SLC35E4: variants seen among roughly 807,000 people sequenced by gnomAD.
The protein encoded by SLC35E4 is solute carrier family 35, member E4.
Under a neutral mutation model 19.3 loss-of-function variants are expected in SLC35E4, and 15 were observed. The observed-to-expected ratio is 0.78, with a 90% CI of 0.52 to 1.20. The LOEUF is 1.20. Ranked by LOEUF, SLC35E4 falls within the 50% of genes most tolerant of loss-of-function variation. SLC35E4 has a pLI of 0.00. For missense variants in SLC35E4, 406 were observed against 472.3 expected, an observed-to-expected ratio of 0.86 and a Z score of 1.30; for synonymous variants, 219 against 219.9, an observed-to-expected ratio of 1.00 and a Z score of 0.04.
rs908310465 is a variant in SLC35E4 at position 30,646,827 on chromosome 22, C to T, written c.849C>T (p.Thr283=). The T allele has an allele frequency of 6.8e-6, 11 of 1,614,246 alleles. No individual in the cohort carries two copies. The highest frequency in any genetic ancestry group is 6.8e-6 in the Non-Finnish European group (8 of 1,180,044). ...FSLLALTSAL[T]VHVLGNLTVV... ...TGCTGGCCCTCACCTCTGCCCTCAC[C>T]GTCCACGTCCTGGGCAACCTCACCG... is the stretch of plus-strand genomic sequence containing the variant. Residue 283 remains threonine, a synonymous_variant, in exon 2 of 2, where the codon ACC becomes ACT. Transcript: ENST00000343605.
chr22:30,665,396 C>T (rs139730114), downstream of SLC35E4: 2,333 of 373,352 alleles, frequency 6.2e-3, 15 homozygotes, highest in Non-Finnish European at 7.9e-3. Context: ...TCAGGTGAAC[C>T]GAGCCACTTA....
chr22:30,653,008 C>T (rs7286054), intron 2 of SLC35E4, among the ~76,000 whole-genome samples: 25,128 of 152,090 alleles, frequency 0.17, 2,132 homozygotes, highest in East Asian at 0.23. Flanking sequence ...AACCTGGAGC[C>T]CTATGAGGAA....
At chr22:30,655,429 C>CAAAAAAAAAAAAA (rs5844917) in intron 2 of SLC35E4, among the ~76,000 whole-genome samples, 5 of 111,656 alleles carry the variant, frequency 4.5e-5, no homozygotes, top group African/African-American at 1.1e-4. Context: ...GAGATCCTAC[C>CAAAAAAAAAAAAA]AAAAAAAAAA....
chr22:30,644,411 G>T (rs2088095214), intron 1 of SLC35E4, among the ~76,000 whole-genome samples: 1 of 152,120 alleles, frequency 6.6e-6, no homozygotes, highest in Admixed American at 6.6e-5. Flanking sequence ...CCACTAACTT[G>T]GCAAAGGCCC....
intron 2 of SLC35E4, among the ~76,000 whole-genome samples, chr22:30,655,516 T>C (rs1478130437): frequency 6.6e-6 from 1 of 152,082 alleles, no homozygotes; most frequent in Non-Finnish European, 1.5e-5. Context: ...CCTTTTTTTT[T>C]TTCTTCCAGG....
chr22:30,663,373 T>C, downstream of SLC35E4: 1 of 1,479,712 alleles, frequency 6.8e-7, no homozygotes, highest in Non-Finnish European at 9.1e-7. Context: ...CAAGTTTGGA[T>C]CTTGGTGTAA....
chr22:30,650,352 C>T (rs891887481), downstream of SLC35E4, among the ~76,000 whole-genome samples: 12 of 150,758 alleles, frequency 8.0e-5, no homozygotes, highest in South Asian at 4.2e-4. Flanking sequence ...AAAAATTAGA[C>T]GGACATGGTG....
At chr22:30,653,205 A>G (rs960883981) in intron 2 of SLC35E4, among the ~76,000 whole-genome samples, 4 of 152,106 alleles carry the variant, frequency 2.6e-5, no homozygotes, top group African/African-American at 9.6e-5. Flanking sequence ...CTGGCCTGGT[A>G]TTTGAAGCCC....
At chr22:30,639,753 CTT>C (rs2088008365) in intron 1 of SLC35E4, among the ~76,000 whole-genome samples, 2 of 152,228 alleles carry the variant, frequency 1.3e-5, no homozygotes, top group African/African-American at 2.4e-5. Context: ...GATTATCTCT[CTT>C]GTTCCCTGAA....
chr22:30,648,903 G>T (rs1196189491), downstream of SLC35E4, among the ~76,000 whole-genome samples: 1 of 152,114 alleles, frequency 6.6e-6, no homozygotes, highest in African/African-American at 2.4e-5. Flanking sequence ...GGCTTGCAGG[G>T]GTATAGGGGA....
chr22:30,651,397 G>A (rs201662239), downstream of SLC35E4, among the ~76,000 whole-genome samples: 777 of 52,318 alleles, frequency 0.015, no homozygotes, highest in African/African-American at 0.042. Flanking sequence ...GTGTGTGTGT[G>A]TGTATATATA....
At chr22:30,655,084 C>T (rs1265945056) in intron 2 of SLC35E4, among the ~76,000 whole-genome samples, 2 of 152,106 alleles carry the variant, frequency 1.3e-5, no homozygotes, top group African/African-American at 4.8e-5. Flanking sequence ...CCCTACACTG[C>T]TATGAAGAAC....
downstream of SLC35E4, among the ~76,000 whole-genome samples, chr22:30,651,010 T>C (rs2088199639): frequency 6.7e-6 from 1 of 148,960 alleles, no homozygotes; most frequent in Admixed American, 6.8e-5. Context: ...CAAACAAGGA[T>C]TGTGAGTCCT....
At position 30,654,939 on chromosome 22, in the gene SLC35E4, C is replaced by G. The variant is rs987592753; in HGVS notation, c.*8+5686C>G. The G allele has an allele frequency of 1.8e-5, 3 of 166,662 alleles. No homozygotes were observed. In the Admixed American group the frequency reaches 1.9e-4, roughly 10 times the overall value. 10.3% of individuals were successfully genotyped at this position (166,662 alleles called of 1,614,324 possible). A position where few individuals can be genotyped will look rare whatever the true frequency, so the allele number is the denominator to read the frequency against. ...GGAACCCTGTTTGAAAACCACAGAT[C>G]TAGTTCAATCCTCGTTGTCCATATG... is the stretch of plus-strand genomic sequence containing the variant. On this transcript the variant is annotated intron_variant, in intron 2 of 2. Transcript: ENST00000406566.
intron 2 of SLC35E4, chr22:30,654,472 G>A (rs183294311): frequency 3.0e-4 from 128 of 432,704 alleles, no homozygotes; most frequent in Non-Finnish European, 5.2e-4. Flanking sequence ...CTGCTTTTTC[G>A]TCATAGGGTG....
chr22:30,646,608 G>T lies in SLC35E4; in HGVS notation c.630G>T (p.Leu210=), dbSNP rs752044167. ...GLKSVQQSAL[L]QEERLDAVTL... ...GTTGTCCTGTTGCAGGTGCCCTGCT[G>T]CAGGAGGAGAGGCTGGACGCGGTGA... Residue 210 remains leucine (L), a synonymous_variant, in exon 2 of 2, where the codon CTG becomes CTT. Coordinates refer to ENST00000343605, the MANE Select transcript of SLC35E4 (RefSeq NM_001001479.4). 2 of 1,598,294 alleles carry T rather than the reference G, an allele frequency of 1.3e-6. No homozygotes were observed. Among genetic ancestry groups the T allele is most frequent in the Non-Finnish European group, 1.7e-6 (2 of 1,170,644 alleles).
intron 1 of SLC35E4, among the ~76,000 whole-genome samples, chr22:30,645,720 A>G (rs1449646418): frequency 2.0e-5 from 3 of 151,448 alleles, no homozygotes; most frequent in African/African-American, 4.9e-5. Flanking sequence ...TAGTAGCATC[A>G]TCATAGCTCA....
At chr22:30,659,019 G>T (rs997004151) in intron 2 of SLC35E4, among the ~76,000 whole-genome samples, 1 of 151,734 alleles carries the variant, frequency 6.6e-6, no homozygotes, top group African/African-American at 2.4e-5. Flanking sequence ...AGCTATTCGG[G>T]AGGCTGAGGC....
At chr22:30,653,338 C>T (rs1249977309) in intron 2 of SLC35E4, among the ~76,000 whole-genome samples, 3 of 151,460 alleles carry the variant, frequency 2.0e-5, no homozygotes, top group Non-Finnish European at 4.4e-5. Context: ...TGCCCTATCC[C>T]GACTGCCACA....
Sources: allele counts gnomAD v4.1 joint callset (sites outside exome capture counted in the v4.1 genomes callset), GRCh38; gene constraint gnomAD v4.1.1; transcripts MANE v1.5; gene names NCBI Gene and HGNC (gene_info 2026-07-23, HGNC 2026-07-21).